The following DNAH7 variants were observed in gnomAD, a reference collection of about 807,000 sequenced individuals.
DNAH7 encodes dynein axonemal heavy chain 7, also known as axonemal beta dynein heavy chain 7.
DNAH7 carries 397 observed loss-of-function variants against 444.6 expected under a neutral mutation model. That is an observed-to-expected ratio of 0.89 (90% confidence interval 0.82 to 0.97). The LOEUF (loss-of-function observed/expected upper bound fraction) is 0.97, where lower values mean the gene tolerates loss of function less well. DNAH7 is among the 50% of genes least tolerant of loss of function. The pLI is 0.00. For synonymous variants in DNAH7, 1,636 were observed against 1,624.4 expected, an observed-to-expected ratio of 1.01 and a Z score of -0.17; for missense variants, 4,902 against 4,800.8, an observed-to-expected ratio of 1.02 and a Z score of -0.62.
At chr2:195,999,464 C>T (rs1429528883) in intron 12 of DNAH7, among the ~76,000 whole-genome samples, 1 of 152,086 alleles carries the variant, frequency 6.6e-6, no homozygotes, top group African/African-American at 2.4e-5. Flanking sequence ...TCCTCAAAGA[C>T]TTTTTTCATA....
Position 195,934,616 on chromosome 2 carries a change from C to G in DNAH7, c.3446G>C (p.Arg1149Thr). Residue 1149 changes from arginine (R) to threonine (T), a missense_variant, in exon 21 of 65, where the codon AGA becomes ACA. Coordinates refer to ENST00000312428, the MANE Select transcript of DNAH7 (RefSeq NM_018897.3). Reference sequence around the variant, plus strand: ...CTTGTGGATGGAGTTAATCATAACTCTCTCTAATTCAACCAACCACTTCTC... The same window carrying G: ...CTTGTGGATGGAGTTAATCATAACTGTCTCTAATTCAACCAACCACTTCTC... ...QVEKWLVELE[R>T]VMINSIHKVT... 6.2e-7 allele frequency: 1 copy of G among 1,613,948 alleles called. No individual in the cohort carries two copies.
intron 24 of DNAH7, among the ~76,000 whole-genome samples, chr2:195,921,278 C>A (rs116476176): frequency 1.3e-5 from 2 of 151,990 alleles, no homozygotes; most frequent in South Asian, 4.2e-4. Context: ...TACAGTAGCA[C>A]AATTTGCACT....
intron 25 of DNAH7, among the ~76,000 whole-genome samples, chr2:195,908,110 T>A (rs1687145302): frequency 6.6e-6 from 1 of 151,978 alleles, no homozygotes; most frequent in South Asian, 2.1e-4. Flanking sequence ...AAGACGGTCA[T>A]TACATAGATT....
chr2:195,871,262 G>T (rs554831), intron 40 of DNAH7, among the ~76,000 whole-genome samples: 42,338 of 152,112 alleles, frequency 0.28, 8,848 homozygotes, highest in African/African-American at 0.59. Flanking sequence ...GTACATGGTT[G>T]TAACACAGTA....
chr2:195,869,326 C>A (rs1700540033), intron 40 of DNAH7, among the ~76,000 whole-genome samples: 2 of 151,590 alleles, frequency 1.3e-5, no homozygotes, highest in South Asian at 4.2e-4. Context: ...TACTGTCTCA[C>A]AATTACCTCA....
chr2:195,853,899 AT>A (rs1699544840), intron 45 of DNAH7, among the ~76,000 whole-genome samples: 1 of 152,160 alleles, frequency 6.6e-6, no homozygotes, highest in Non-Finnish European at 1.5e-5. Flanking sequence ...TTCTACAAAC[AT>A]TTTCCCCTCA....
chr2:195,797,567 T>G (rs1012233362), intron 55 of DNAH7, among the ~76,000 whole-genome samples: 6 of 152,078 alleles, frequency 3.9e-5, no homozygotes, highest in Non-Finnish European at 5.9e-5. Flanking sequence ...GCTCAAAGGG[T>G]CGTCAAGCTT....
Position 195,834,253 on chromosome 2 carries a change from G to T in DNAH7, c.9053C>A (p.Pro3018His). The T allele has an allele frequency of 1.9e-6, 3 of 1,608,452 alleles. No individual in the cohort carries two copies. The highest frequency in any genetic ancestry group is 2.6e-6 in the Non-Finnish European group (3 of 1,175,700). Residue 3018 changes from proline to histidine, a missense_variant, in exon 48 of 65, where the codon CCT becomes CAT. Transcript: ENST00000312428. ...NSLYVIKLSE[P>H]DYVRTLENCI... ...ATTTTCCAGAGTCCTGACATAGTCA[G>T]GTTCACTAAGTTTAATCACATAAAG...
chr2:196,028,009 C>T lies in DNAH7; in HGVS notation c.437G>A (p.Gly146Glu). ...DADLDSAVPD[G>E]STIPKPTASA... Reference sequence around the variant, plus strand: ...AGCGGTCGGTTTTGGAATTGTGCTTCCATCAGGGACAGCTGAGTCTAAGTC... The same window carrying T: ...AGCGGTCGGTTTTGGAATTGTGCTTTCATCAGGGACAGCTGAGTCTAAGTC... The change falls in exon 6 of 65, where the codon GGA becomes GAA. Residue 146 changes from glycine (G) to glutamate (E), a missense_variant. Coordinates refer to ENST00000312428, the MANE Select transcript of DNAH7 (RefSeq NM_018897.3). 1 of 1,611,392 alleles carries T rather than the reference C, an allele frequency of 6.2e-7. No individual in the cohort carries two copies. The highest frequency in any genetic ancestry group is 1.3e-5 in the African/African-American group (1 of 74,864).
intron 34 of DNAH7, 107 bp downstream of exon 34, chr2:195,886,034 A>T: frequency 7.7e-7 from 1 of 1,303,532 alleles, no homozygotes; most frequent in South Asian, 1.6e-5. Context: ...CCCGTTGACT[A>T]GTCTCCAACT....
At chr2:195,926,774 CATTTT>C (rs1045999163) in intron 21 of DNAH7, among the ~76,000 whole-genome samples, 4 of 151,936 alleles carry the variant, frequency 2.6e-5, no homozygotes, top group African/African-American at 9.7e-5. Flanking sequence ...TATTACATAA[CATTTT>C]ATTTTCCTGA....
rs186673554 is a variant in DNAH7, at chr2:195,833,626, G to A, written c.9100+580C>T. Among the ~76,000 whole-genome samples the A allele has an allele frequency of 3.0e-4, 45 of 152,200 alleles. 1 individual carries two copies. The East Asian group carries it at 5.6e-3, about 19-fold the overall frequency. On this transcript the variant is annotated intron_variant, in intron 48 of 64. Coordinates refer to ENST00000312428, the MANE Select transcript of DNAH7 (RefSeq NM_018897.3). ...TCAAATCACAAGTTTTCTGTTTTTCGTTTTGATAAATGTGATATCTACATA... is the reference window on the plus strand; with the variant it reads ...TCAAATCACAAGTTTTCTGTTTTTCATTTTGATAAATGTGATATCTACATA...
At chr2:195,951,849 A>C (rs1325615084) in intron 19 of DNAH7, among the ~76,000 whole-genome samples, 2 of 151,976 alleles carry the variant, frequency 1.3e-5, no homozygotes, top group Non-Finnish European at 2.9e-5. Flanking sequence ...GGGTCTCCTG[A>C]ATACAGCACA....
intron 12 of DNAH7, chr2:195,994,543 G>T: frequency 2.1e-6 from 1 of 481,030 alleles, no homozygotes; most frequent in Admixed American, 2.6e-5. Flanking sequence ...TTCCCATTGT[G>T]GTCTTGGTTG....
intron 47 of DNAH7, among the ~76,000 whole-genome samples, chr2:195,842,074 A>T (rs1044319019): frequency 1.3e-5 from 2 of 152,080 alleles, no homozygotes; most frequent in Non-Finnish European, 2.9e-5. Context: ...TACTGAATTA[A>T]ACCTAATATA....
chr2:195,865,107 A>T (rs1183347939), intron 40 of DNAH7, 86 bp from the exon 41 acceptor site: 6 of 1,348,582 alleles, frequency 4.4e-6, no homozygotes, highest in Non-Finnish European at 5.9e-6. Flanking sequence ...CTCAGGTAAT[A>T]AAAATATTAG....
Position 195,891,656 on chromosome 2 carries a change from A to C in DNAH7, c.5045T>G (p.Val1682Gly). 2 of 1,583,002 alleles carry C rather than the reference A, an allele frequency of 1.3e-6. No homozygotes were observed. Among genetic ancestry groups the C allele is most frequent in the East Asian group, 4.5e-5 (2 of 44,220 alleles). The stretch of plus-strand genomic sequence containing the variant: ...GCATGTGAAAGTGTTAGAACTTACC[A>C]CTGAAGAGGCAAATGCTCTAAAACT... ...AVSFRAFASS[V>G]TPDRKWLIFD... The change falls in exon 31 of 65, where the codon GTG becomes GGG. Residue 1682 changes from valine (V) to glycine (G), a missense_variant and splice_region_variant. Physicochemically the swap from Val to Gly is moderately radical, Grantham distance 109. Transcript: ENST00000312428.
At chr2:195,808,918 A>T (rs1344820903) in intron 52 of DNAH7, 42 bp from the exon 53 acceptor site, 4 of 1,544,108 alleles carry the variant, frequency 2.6e-6, no homozygotes, top group Non-Finnish European at 3.5e-6. Context: ...AAACGAGTTC[A>T]TCATAAACTA....
At chr2:195,900,591 CT>C (rs1686643253) in intron 27 of DNAH7, 97 bp from the exon 28 acceptor site, 1 of 1,174,778 alleles carries the variant, frequency 8.5e-7, no homozygotes, top group Non-Finnish European at 1.2e-6. Flanking sequence ...TATGTGGAGG[CT>C]AAAAAAGTTT....
Sources: gnomAD v4.1 joint callset for allele counts (sites outside exome capture counted in the v4.1 genomes callset) on GRCh38, gnomAD v4.1.1 for gene constraint, MANE v1.5 for transcripts, NCBI Gene and HGNC (gene_info 2026-07-23, HGNC 2026-07-21) for gene names.